Variants in USH2A observed in about 807,000 individuals in gnomAD.
The protein encoded by USH2A is Usher syndrome 2A (autosomal recessive, mild).
A neutral mutation model predicts 538.9 loss-of-function variants in USH2A; 443 were observed. That is an observed-to-expected ratio of 0.82 (90% CI 0.76 to 0.89). The LOEUF (loss-of-function observed/expected upper bound fraction) is 0.89, where lower values mean the gene tolerates loss of function less well. Among genes scored for constraint, USH2A ranks in the 40% least tolerant of loss-of-function variants. The probability of loss-of-function intolerance (pLI) is 0.00; values close to 1 mark genes in which losing one functional copy is unlikely to be tolerated. For missense variants in USH2A, 6,633 were observed against 6,324.8 expected (o/e 1.05, Z -1.65); for synonymous variants, 2,413 against 2,273.5 (o/e 1.06, Z -1.75).
intron 50 of USH2A, among the ~76,000 whole-genome samples, chr1:215,791,728 C>G (rs1468984619): frequency 6.6e-6 from 1 of 152,090 alleles, no homozygotes; most frequent in Non-Finnish European, 1.5e-5. Context: ...ATACAAAGAG[C>G]AGGGCTCATT....
chr1:215,796,401 TTATTA>T (rs1481756091), intron 50 of USH2A, among the ~76,000 whole-genome samples: 11 of 151,924 alleles, frequency 7.2e-5, no homozygotes, highest in Admixed American at 7.2e-4. Context: ...TTTTTCATTA[TTATTA>T]TATTTGTTAT....
At chr1:215,682,187 C>T (rs945674156) in intron 61 of USH2A, among the ~76,000 whole-genome samples, 11 of 152,150 alleles carry the variant, frequency 7.2e-5, no homozygotes, top group Admixed American at 7.2e-4. Context: ...ATTCTTTGTT[C>T]AGAATATTCA....
At chr1:216,010,553 T>C (rs1033525789) in intron 32 of USH2A, among the ~76,000 whole-genome samples, 2 of 151,636 alleles carry the variant, frequency 1.3e-5, no homozygotes, top group African/African-American at 2.4e-5. Context: ...GGAGGGTAAG[T>C]CCATCCCCTT....
chr1:216,324,022 C>A, intron 7 of USH2A, 146 bp downstream of exon 7: 1 of 866,024 alleles, frequency 1.2e-6, no homozygotes, highest in East Asian at 2.7e-5. Context: ...TAGTTTTAAG[C>A]CCAATTTAGG....
At chr1:215,889,746 G>A (rs1488452036) in intron 40 of USH2A, among the ~76,000 whole-genome samples, 1 of 152,076 alleles carries the variant, frequency 6.6e-6, no homozygotes, top group Non-Finnish European at 1.5e-5. Flanking sequence ...AAAGGTTCAG[G>A]AGGCTCCATG....
chr1:216,272,866 A>T (rs1447543339), intron 11 of USH2A, among the ~76,000 whole-genome samples: 2 of 152,068 alleles, frequency 1.3e-5, no homozygotes, highest in East Asian at 3.9e-4. Flanking sequence ...CAGTTTTTTC[A>T]TGTATTTCAT....
chr1:215,916,667 G>T (rs1665962529), intron 38 of USH2A, among the ~76,000 whole-genome samples: 1 of 152,056 alleles, frequency 6.6e-6, no homozygotes, highest in African/African-American at 2.4e-5. Context: ...GCTTTAATTA[G>T]AATGGAAAAG....
chr1:216,116,253 C>G (rs955328986), intron 21 of USH2A, among the ~76,000 whole-genome samples: 2 of 151,816 alleles, frequency 1.3e-5, no homozygotes, highest in Non-Finnish European at 2.9e-5. Flanking sequence ...AATAAACATA[C>G]AGATACTTCA....
At position 216,418,673 on chromosome 1, in the gene USH2A, A is replaced by G; in HGVS notation, c.492T>C (p.Val164=). Reference sequence around the variant, plus strand: ...TCTGCCCATCTACTGTCTTTTCTATAACACACCTTAGGAAGCAACCGGAAA... The same window carrying G: ...TCTGCCCATCTACTGTCTTTTCTATGACACACCTTAGGAAGCAACCGGAAA... The part of the protein sequence containing the change: ...LKPEQQGVMC[V]IEKTVDGQIV... Residue 164 remains valine (V), a synonymous_variant, in exon 3 of 72, where the codon GTT becomes GTC. Transcript: ENST00000307340. 2.5e-6 allele frequency: 4 copies of G among 1,612,918 alleles called. No homozygotes were observed. Among genetic ancestry groups the G allele is most frequent in the Non-Finnish European group, 3.4e-6 (4 of 1,179,306 alleles).
At chr1:215,968,899 T>A (rs1327677916) in intron 36 of USH2A, among the ~76,000 whole-genome samples, 2 of 152,200 alleles carry the variant, frequency 1.3e-5, no homozygotes, top group African/African-American at 4.8e-5. Flanking sequence ...CATAATTTAA[T>A]GATAGAAAAC....
intron 37 of USH2A, among the ~76,000 whole-genome samples, chr1:215,942,372 G>T (rs150295170): frequency 6.6e-6 from 1 of 152,268 alleles, no homozygotes; most frequent in East Asian, 1.9e-4. Flanking sequence ...TGAGCAGCAA[G>T]TCACAGGTTT....
At position 215,687,261 on chromosome 1, in the gene USH2A, A is replaced by T. The variant is rs112213916; in HGVS notation, c.12067-6885T>A. 7.5e-3 allele frequency among the ~76,000 whole-genome samples: 1,147 copies of T among 152,176 alleles called. 24 individuals carry two copies. The highest frequency in any genetic ancestry group is 0.026 in the African/African-American group (1,072 of 41,542). ...AACAATTGTAAATTTCAAACTTAAA[A>T]TGTTCAGCTTGGAGGATCCACATAT... On this transcript the variant is annotated intron_variant, in intron 61 of 71. Coordinates refer to ENST00000307340, the MANE Select transcript of USH2A (RefSeq NM_206933.4).
intron 41 of USH2A, among the ~76,000 whole-genome samples, chr1:215,880,104 A>G (rs1361341693): frequency 6.6e-6 from 1 of 152,180 alleles, no homozygotes; most frequent in Non-Finnish European, 1.5e-5. Context: ...TTTTTTCCCT[A>G]GCATACAGTT....
At chr1:215,822,587 C>G (rs1267623755) in intron 47 of USH2A, among the ~76,000 whole-genome samples, 8 of 151,854 alleles carry the variant, frequency 5.3e-5, no homozygotes. Context: ...TTTGACTTAT[C>G]CCTTTCCGAT....
Position 216,089,107 on chromosome 1 carries a change from A to T in USH2A, c.4791T>A (p.Asp1597Glu). Reference sequence around the variant, plus strand: ...TTCCATCACTATATTGTTTGCCATGATCATTAGTTGTAGTTACTTCCACTG... The same window carrying T: ...TTCCATCACTATATTGTTTGCCATGTTCATTAGTTGTAGTTACTTCCACTG... ...GSPVEVTTTN[D>E]HGKQYSDGKW... Residue 1597 changes from aspartate to glutamate, a missense_variant, in exon 23 of 72, where the codon GAT becomes GAA. By Grantham distance (45) the Asp-to-Glu change is conservative (BLOSUM62 2). Transcript: ENST00000307340. 6.2e-7 allele frequency: 1 copy of T among 1,613,290 alleles called. No individual in the cohort carries two copies. The highest frequency in any genetic ancestry group is 8.5e-7 in the Non-Finnish European group (1 of 1,179,460).
intron 11 of USH2A, among the ~76,000 whole-genome samples, chr1:216,261,138 A>C (rs2036362560): frequency 1.3e-5 from 2 of 152,182 alleles, no homozygotes; most frequent in Admixed American, 1.3e-4. Flanking sequence ...ATGAAAAATG[A>C]TAATCCAGAT....
At chr1:215,889,649 GATAA>G (rs1380934108) in intron 40 of USH2A, among the ~76,000 whole-genome samples, 3 of 152,212 alleles carry the variant, frequency 2.0e-5, no homozygotes, top group African/African-American at 4.8e-5. Flanking sequence ...TTCACCTACT[GATAA>G]ATAAACAATG....
intron 46 of USH2A, among the ~76,000 whole-genome samples, chr1:215,843,524 A>C (rs1663750686): frequency 7.2e-6 from 1 of 138,832 alleles, no homozygotes; most frequent in Non-Finnish European, 1.6e-5. Context: ...ATTTGACTTC[A>C]AGTGATCAGT....
intron 16 of USH2A, among the ~76,000 whole-genome samples, chr1:216,204,699 A>G (rs550555285): frequency 2.0e-5 from 3 of 152,316 alleles, no homozygotes; most frequent in Admixed American, 6.5e-5. Flanking sequence ...CCAGCTGAAT[A>G]TAAGTAGTGT....
Sources: allele counts gnomAD v4.1 joint callset (sites outside exome capture counted in the v4.1 genomes callset), GRCh38; gene constraint gnomAD v4.1.1; transcripts MANE v1.5; gene names NCBI Gene and HGNC (gene_info 2026-07-23, HGNC 2026-07-21).